Variants in KCNQ1OT1 observed in about 807,000 individuals in gnomAD.
The protein encoded by KCNQ1OT1 is KCNQ1 opposite strand/antisense transcript 1, also known as KCNQ1 antisense RNA 2 (non-protein coding).
At chr11:2,681,039 T>C (rs1850388414) in exon 1 of KCNQ1OT1, 1 of 398,584 alleles carries the variant, frequency 2.5e-6, no homozygotes, top group East Asian at 3.6e-5. Context: ...ATGTGGACAT[T>C]AGTGAAATGT....
At chr11:2,688,334 A>G (rs1303383522) in exon 1 of KCNQ1OT1, 2 of 398,758 alleles carry the variant, frequency 5.0e-6, no homozygotes, top group South Asian at 1.3e-4. Flanking sequence ...CACAGCTTCC[A>G]TGGGGGTCTT....
At position 2,627,658 on chromosome 11, in the gene KCNQ1OT1, TTG is replaced by T. The variant is rs765964478; in HGVS notation, n.72335_72336del. 22 of 398,366 alleles carry T rather than the reference TTG, an allele frequency of 5.5e-5. No individual in the cohort carries two copies. Among genetic ancestry groups the T allele is most frequent in the Non-Finnish European group, 4.9e-5 (11 of 226,038 alleles). The allele number at this position is 398,366 out of a possible 1,614,324, so 24.7% of individuals were successfully genotyped here. A position where few individuals can be genotyped will look rare whatever the true frequency, so the allele number is the denominator to read the frequency against. The stretch of plus-strand genomic sequence containing the variant: ...TGCTTTTTAAAGGATGAATATTTCA[TTG>T]TGTGTGTGTATATATGTGTGTGTGT... On this transcript the variant is annotated non_coding_transcript_exon_variant, in exon 1 of 1. Coordinates refer to ENST00000597346, the Ensembl canonical transcript of KCNQ1OT1. This position sits in a 1 kb window ranked among gnomAD's most constrained non-coding sequence, Gnocchi z 4.9.
At chr11:2,629,000 A>G (rs77769573) in exon 1 of KCNQ1OT1, 5,079 of 398,268 alleles carry the variant, frequency 0.013, 153 homozygotes, top group East Asian at 0.079. Flanking sequence ...TAACTTTGAA[A>G]TATAATTCAA....
At chr11:2,675,257 GA>G (rs1489540878) in exon 1 of KCNQ1OT1, 4 of 398,454 alleles carry the variant, frequency 1.0e-5, no homozygotes, top group African/African-American at 8.2e-5. Flanking sequence ...TACTGTTTCA[GA>G]AGTGAAGATA....
At chr11:2,685,340 T>C (rs114748381) in exon 1 of KCNQ1OT1, 5 of 398,662 alleles carry the variant, frequency 1.3e-5, no homozygotes, top group African/African-American at 4.1e-5. Flanking sequence ...AGCCATGTCA[T>C]GGAGGGTACA....
rs1849962414 is a variant in KCNQ1OT1 at position 2,661,889 on chromosome 11, A to G, written n.38106T>C. 1.5e-5 allele frequency: 24 copies of G among 1,600,668 alleles called. No homozygotes were observed. The highest frequency in any genetic ancestry group is 2.1e-5 in the Non-Finnish European group (24 of 1,168,732). ...ACTCCTCACCTGGCCCTGGGAGCTC[A>G]CAGGCCTGGCTCCACAGCACTGGCA... On this transcript the variant is annotated non_coding_transcript_exon_variant, in exon 1 of 1. Coordinates refer to ENST00000597346, the Ensembl canonical transcript of KCNQ1OT1. The surrounding 1 kb of genome is among the most constrained non-coding windows in gnomAD (Gnocchi z 5.9).
At chr11:2,662,283 C>T (rs975783304) in exon 1 of KCNQ1OT1, 1 of 619,816 alleles carries the variant, frequency 1.6e-6, no homozygotes, top group African/African-American at 1.8e-5. Context: ...AGCCTGGGAA[C>T]ATGATCCTCT....
At position 2,608,698 on chromosome 11, in the gene KCNQ1OT1, A is replaced by G. The variant is rs773765270; in HGVS notation, n.91297T>C. On this transcript the variant is annotated non_coding_transcript_exon_variant, in exon 1 of 1. Coordinates refer to ENST00000597346, the Ensembl canonical transcript of KCNQ1OT1. The surrounding 1 kb of genome is among the most constrained non-coding windows in gnomAD (Gnocchi z 4.6). The stretch of plus-strand genomic sequence containing the variant: ...ATGCTATTCTTGAACTCCTGGCCAC[A>G]AGCAATTCTCGAACTCCTGGCCACA... 2.1e-5 allele frequency: 8 copies of G among 381,036 alleles called. No homozygotes were observed. Among genetic ancestry groups the G allele is most frequent in the East Asian group, 3.6e-5 (1 of 28,088 alleles). The allele number at this position is 381,036 out of a possible 1,614,324, so 23.6% of individuals were successfully genotyped here. A position where few individuals can be genotyped will look rare whatever the true frequency, so the allele number is the denominator to read the frequency against.
chr11:2,655,913 C>T (rs1018695225), exon 1 of KCNQ1OT1: 1 of 398,702 alleles, frequency 2.5e-6, no homozygotes, highest in South Asian at 1.3e-4. Context: ...TATGCCGTTC[C>T]CAGGATTAAA....
exon 1 of KCNQ1OT1, chr11:2,699,421 C>T (rs1213520574): frequency 2.5e-6 from 1 of 400,222 alleles, no homozygotes. Context: ...GAGGGCCGCG[C>T]TGAGGAGAGT....
rs186156892 is a variant in KCNQ1OT1, at chr11:2,689,242, C to T, written n.10753G>A. 4.3e-5 allele frequency: 17 copies of T among 398,720 alleles called. No homozygotes were observed. In the Admixed American group the frequency reaches 7.0e-4, roughly 17 times the overall value. 24.7% of individuals were successfully genotyped at this position (398,720 alleles called of 1,614,324 possible). ...AGTGGTTTAGGCCAAGCTTTGAAGT[C>T]AGCCCTTGGAGGACGTTCCTATCAG... On this transcript the variant is annotated non_coding_transcript_exon_variant, in exon 1 of 1. Coordinates refer to ENST00000597346, the Ensembl canonical transcript of KCNQ1OT1.
In KCNQ1OT1 at chr11:2,635,178, T is replaced by G. The variant is rs556173788; in HGVS notation, n.64817A>C. 4.6e-4 allele frequency: 70 copies of G among 152,316 alleles called. 2 individuals carry two copies. In the East Asian group the frequency reaches 0.012, roughly 27 times the overall value. 9.4% of individuals were successfully genotyped at this position (152,316 alleles called of 1,614,324 possible). On this transcript the variant is annotated non_coding_transcript_exon_variant, in exon 1 of 1. Transcript: ENST00000597346. ...TTTCTTTTGCTGTGCAGAAGCTCTT[T>G]AGTTTAATTAGATCCCATTTGTCAA...
chr11:2,680,324 CA>C (rs34634347), exon 1 of KCNQ1OT1: 7 of 390,468 alleles, frequency 1.8e-5, no homozygotes, highest in East Asian at 7.5e-5. Flanking sequence ...TTCCCCACCT[CA>C]AAAAAAAAGT....
rs148801695 is a variant in KCNQ1OT1, at chr11:2,679,248, C to T, written n.20747G>A. ...TCCAGAGGACTACAGCTGCCTGTCC[C>T]ACCCTTGGCTGTGCTCTCCTTTACT... On this transcript the variant is annotated non_coding_transcript_exon_variant, in exon 1 of 1. Coordinates refer to ENST00000597346, the Ensembl canonical transcript of KCNQ1OT1. The surrounding 1 kb of genome is among the most constrained non-coding windows in gnomAD (Gnocchi z 4.8). 4.9e-4 allele frequency: 194 copies of T among 398,652 alleles called. No homozygotes were observed. The highest frequency in any genetic ancestry group is 3.5e-3 in the African/African-American group (171 of 48,764). 24.7% of individuals were successfully genotyped at this position (398,652 alleles called of 1,614,324 possible). A position where few individuals can be genotyped will look rare whatever the true frequency, so the allele number is the denominator to read the frequency against.
In KCNQ1OT1 at chr11:2,668,326, T is replaced by C. The variant is rs979654060; in HGVS notation, n.31669A>G. On this transcript the variant is annotated non_coding_transcript_exon_variant, in exon 1 of 1. Coordinates refer to ENST00000597346, the Ensembl canonical transcript of KCNQ1OT1. This position sits in a 1 kb window ranked among gnomAD's most constrained non-coding sequence, Gnocchi z 4.3. ...CGTTTCTGGGGAATATATGCCTATG[T>C]GTGGAGCTGCAGGGTCCTGGGTGGG... 5.0e-6 allele frequency: 2 copies of C among 398,658 alleles called. No homozygotes were observed. 24.7% of individuals were successfully genotyped at this position (398,658 alleles called of 1,614,324 possible). A position where few individuals can be genotyped will look rare whatever the true frequency, so the allele number is the denominator to read the frequency against.
chr11:2,657,619 C>T lies in KCNQ1OT1; in HGVS notation n.42376G>A, dbSNP rs1395043918. 4 of 398,462 alleles carry T rather than the reference C, an allele frequency of 1.0e-5. No individual in the cohort carries two copies. The highest frequency in any genetic ancestry group is 1.8e-5 in the Non-Finnish European group (4 of 226,056). The allele number at this position is 398,462 out of a possible 1,614,324, so 24.7% of individuals were successfully genotyped here. A position where few individuals can be genotyped will look rare whatever the true frequency, so the allele number is the denominator to read the frequency against. ...CAAAACTAAAAAATTAACATTGGTA[C>T]ACTATTAAGCTAGAGTTATAAATTT... On this transcript the variant is annotated non_coding_transcript_exon_variant, in exon 1 of 1. Coordinates refer to ENST00000597346, the Ensembl canonical transcript of KCNQ1OT1. This position sits in a 1 kb window ranked among gnomAD's most constrained non-coding sequence, Gnocchi z 4.8.
Position 2,611,688 on chromosome 11 carries a change from T to A in KCNQ1OT1, n.88307A>T. 1 of 398,590 alleles carries A rather than the reference T, an allele frequency of 2.5e-6. No individual in the cohort carries two copies. The highest frequency in any genetic ancestry group is 4.4e-6 in the Non-Finnish European group (1 of 226,050). The allele number at this position is 398,590 out of a possible 1,614,324, so 24.7% of individuals were successfully genotyped here. A position where few individuals can be genotyped will look rare whatever the true frequency, so the allele number is the denominator to read the frequency against. ...TGGCAATCTCTGCTCTTTATTGAGTTTTTAATTCACTTATATGTAATATAA... is the reference window on the plus strand; with the variant it reads ...TGGCAATCTCTGCTCTTTATTGAGTATTTAATTCACTTATATGTAATATAA... On this transcript the variant is annotated non_coding_transcript_exon_variant, in exon 1 of 1. Transcript: ENST00000597346. This position sits in a 1 kb window ranked among gnomAD's most constrained non-coding sequence, Gnocchi z 5.3.
exon 1 of KCNQ1OT1, chr11:2,692,761 C>CT: frequency 2.5e-6 from 1 of 398,658 alleles, no homozygotes. Flanking sequence ...GGGCCAGGGT[C>CT]TAGTACCTGC....
At chr11:2,628,935 G>T (rs1431481719) in exon 1 of KCNQ1OT1, 3 of 398,044 alleles carry the variant, frequency 7.5e-6, no homozygotes, top group Non-Finnish European at 1.3e-5. Flanking sequence ...AAATGTGTGG[G>T]TTTATTTCTA....
Sources: gnomAD v4.1 joint callset for allele counts on GRCh38, gnomAD v4.1.1 for gene constraint, Gnocchi (gnomAD v3.1) non-coding constraint, MANE v1.5 for transcripts, NCBI Gene and HGNC (gene_info 2026-07-23, HGNC 2026-07-21) for gene names.